RBFOX1: variants seen among roughly 807,000 people sequenced by gnomAD.
RBFOX1 encodes the protein RNA binding protein fox-1 homolog 1.
Under a neutral mutation model 57.7 loss-of-function variants are expected in RBFOX1, and 8 were observed. The ratio of observed to expected loss-of-function variants is 0.14; its 90% CI spans 0.08 to 0.25. The LOEUF (loss-of-function observed/expected upper bound fraction) is 0.25, where lower values mean the gene tolerates loss of function less well. RBFOX1 is among the 10% of genes least tolerant of loss of function. RBFOX1 has a pLI of 1.00. For missense variants in RBFOX1, 611 were observed against 548.5 expected (o/e 1.11, Z -1.14); for synonymous variants, 326 against 222.4 (o/e 1.47, Z -4.15).
chr16:7,181,108 C>G (rs906141959), intron 4 of RBFOX1, among the ~76,000 whole-genome samples: 4 of 152,190 alleles, frequency 2.6e-5, no homozygotes, highest in Non-Finnish European at 5.9e-5. Flanking sequence ...AAGGAATGAC[C>G]AGGGATTTGG....
At chr16:5,639,932 T>C (rs751535804) in intron 3 of RBFOX1, among the ~76,000 whole-genome samples, 33 of 152,360 alleles carry the variant, frequency 2.2e-4, no homozygotes, top group Non-Finnish European at 3.4e-4. Context: ...CCAGGCAAGC[T>C]GAGCATCTCT....
chr16:5,701,034 T>C (rs926210673), intron 3 of RBFOX1, among the ~76,000 whole-genome samples: 5 of 152,220 alleles, frequency 3.3e-5, no homozygotes, highest in Non-Finnish European at 5.9e-5. Context: ...AAATATGCTG[T>C]GTTCTTGATC....
chr16:5,338,262 C>A (rs988791625), intron 1 of RBFOX1, among the ~76,000 whole-genome samples: 1 of 152,096 alleles, frequency 6.6e-6, no homozygotes. Flanking sequence ...TTGGCCATAG[C>A]TGATTGAGCC....
chr16:7,682,794 T>G (rs2075100591), intron 14 of RBFOX1, among the ~76,000 whole-genome samples: 1 of 150,754 alleles, frequency 6.6e-6, no homozygotes, highest in African/African-American at 2.4e-5. Context: ...ACACTTTTTC[T>G]TGTTCATTTA....
At chr16:7,000,574 C>A (rs372678715) in intron 3 of RBFOX1, among the ~76,000 whole-genome samples, 2 of 117,944 alleles carry the variant, frequency 1.7e-5, no homozygotes, top group African/African-American at 7.0e-5. Flanking sequence ...GTTTTCTTTT[C>A]TTTTTTTCTT....
chr16:7,077,054 G>A (rs1369514776), intron 4 of RBFOX1, among the ~76,000 whole-genome samples: 7 of 152,324 alleles, frequency 4.6e-5, no homozygotes, highest in Admixed American at 2.6e-4. Flanking sequence ...GTTAGTGGAC[G>A]AGACCTCAGA....
At chr16:5,915,916 A>G (rs144906529) in intron 4 of RBFOX1, among the ~76,000 whole-genome samples, 243 of 152,338 alleles carry the variant, frequency 1.6e-3, no homozygotes, top group African/African-American at 5.4e-3. Context: ...ATTCATGATG[A>G]TCACATTGGG....
intron 1 of RBFOX1, among the ~76,000 whole-genome samples, chr16:5,271,752 C>G (rs999201952): frequency 2.6e-5 from 4 of 152,154 alleles, no homozygotes; most frequent in Admixed American, 6.5e-5. Context: ...CTATCCCCTA[C>G]CTTTCCTGCG....
At chr16:5,404,266 C>A (rs2066801415) in intron 1 of RBFOX1, among the ~76,000 whole-genome samples, 1 of 152,138 alleles carries the variant, frequency 6.6e-6, no homozygotes, top group Non-Finnish European at 1.5e-5. Context: ...GCATGTAATA[C>A]AATTGCACGT....
intron 4 of RBFOX1, among the ~76,000 whole-genome samples, chr16:5,920,066 G>T (rs967053360): frequency 1.7e-4 from 26 of 152,156 alleles, no homozygotes; most frequent in African/African-American, 6.0e-4. Context: ...CCCGAGTAGC[G>T]GGGACTACAG....
chr16:5,866,975 T>A (rs973545818), intron 3 of RBFOX1, among the ~76,000 whole-genome samples: 2 of 152,220 alleles, frequency 1.3e-5, no homozygotes, highest in African/African-American at 4.8e-5. Flanking sequence ...CTTTGTTTTC[T>A]TTTTCAGTGT....
At chr16:6,228,934 ATAAT>A (rs1180491196) in intron 1 of RBFOX1, among the ~76,000 whole-genome samples, 1 of 152,220 alleles carries the variant, frequency 6.6e-6, no homozygotes, top group Non-Finnish European at 1.5e-5. Flanking sequence ...TCAATTAAAA[ATAAT>A]TAGAAACAAA....
At chr16:6,209,832 G>A (rs755488415) in intron 1 of RBFOX1, among the ~76,000 whole-genome samples, 3 of 152,184 alleles carry the variant, frequency 2.0e-5, no homozygotes, top group Non-Finnish European at 4.4e-5. Context: ...GAGGCAGAGG[G>A]AATCGATAGA....
intron 4 of RBFOX1, among the ~76,000 whole-genome samples, chr16:7,117,191 T>C (rs940568456): frequency 6.6e-6 from 1 of 152,154 alleles, no homozygotes; most frequent in Non-Finnish European, 1.5e-5. Context: ...GTTGGAAGAC[T>C]AGCTAAGCAT....
intron 2 of RBFOX1, among the ~76,000 whole-genome samples, chr16:6,432,979 A>G (rs1198394154): frequency 3.9e-5 from 6 of 152,220 alleles, no homozygotes; most frequent in African/African-American, 1.2e-4. Flanking sequence ...CTCCATCTCA[A>G]TAATAAAAAT....
chr16:6,713,422 A>T (rs113026903), intron 3 of RBFOX1, among the ~76,000 whole-genome samples: 2 of 151,996 alleles, frequency 1.3e-5, no homozygotes, highest in Non-Finnish European at 2.9e-5. Flanking sequence ...AGATTTCTCA[A>T]CCTTGGTATT....
chr16:6,674,297 T>A (rs1350834336), intron 3 of RBFOX1, among the ~76,000 whole-genome samples: 1 of 152,104 alleles, frequency 6.6e-6, no homozygotes, highest in Non-Finnish European at 1.5e-5. Context: ...GTAAAACCAA[T>A]GACTGGGTTC....
chr16:6,214,685 G>A (rs1387657280), intron 1 of RBFOX1, among the ~76,000 whole-genome samples: 3 of 126,898 alleles, frequency 2.4e-5, no homozygotes, highest in Admixed American at 7.8e-5. Context: ...GAAGGGGAGA[G>A]GGAGAAGGAA....
intron 4 of RBFOX1, among the ~76,000 whole-genome samples, chr16:5,993,341 G>C (rs1056682912): frequency 1.1e-4 from 1 of 9,106 alleles, no homozygotes; most frequent in Admixed American, 1.0e-3. Context: ...AATGCTGTAC[G>C]TGTGTGTGTG....
Sources: gnomAD v4.1 joint callset for allele counts (sites outside exome capture counted in the v4.1 genomes callset) on GRCh38, gnomAD v4.1.1 for gene constraint, MANE v1.5 for transcripts, NCBI Gene and HGNC (gene_info 2026-07-23, HGNC 2026-07-21) for gene names.